The following CLEC16A variants were observed in gnomAD, a reference collection of about 807,000 sequenced individuals.
CLEC16A encodes the protein C-type lectin domain containing 16A.
A neutral mutation model predicts 109.5 loss-of-function variants in CLEC16A; 51 were observed. The ratio of observed to expected loss-of-function variants is 0.47; its 90% CI spans 0.37 to 0.59. The LOEUF (loss-of-function observed/expected upper bound fraction) is 0.59, where lower values mean the gene tolerates loss of function less well. Ranked by LOEUF, CLEC16A falls within the 20% of genes least tolerant of loss-of-function variation. CLEC16A has a pLI of 0.00. For missense variants in CLEC16A, 1,339 were observed against 1,394.0 expected (o/e 0.96, Z 0.63); for synonymous variants, 673 against 564.2 (o/e 1.19, Z -2.73).
At chr16:11,093,732 A>C (rs2050446711) in intron 19 of CLEC16A, among the ~76,000 whole-genome samples, 1 of 152,204 alleles carries the variant, frequency 6.6e-6, no homozygotes, top group South Asian at 2.1e-4. Context: ...AAGGCGAGCC[A>C]GGATATGAGG....
chr16:11,170,141 G>A (rs1175585615), intron 23 of CLEC16A, among the ~76,000 whole-genome samples: 1 of 152,182 alleles, frequency 6.6e-6, no homozygotes, highest in Non-Finnish European at 1.5e-5. Context: ...AGAGACCCGG[G>A]CCCCGATCTG....
chr16:11,020,320 G>C lies in CLEC16A; in HGVS notation c.1431G>C (p.Trp477Cys). ...CCACCTGCTCTGAGAGCACGCAATG[G>C]AGCAGGTAGCTGCCCGAGAGGTCGA... ...AAATCSESTQ[W>C]SRPFLDMVYH... is the part of the protein sequence containing the mutation. The change falls in exon 12 of 24, where the codon TGG (tryptophan) becomes TGC (cysteine). Residue 477 changes from tryptophan (W) to cysteine (C), a missense_variant. Transcript: ENST00000409790. The C allele has an allele frequency of 6.2e-7, 1 of 1,609,626 alleles. No individual in the cohort carries two copies. The highest frequency in any genetic ancestry group is 8.5e-7 in the Non-Finnish European group (1 of 1,177,948).
intron 12 of CLEC16A, among the ~76,000 whole-genome samples, chr16:11,022,635 C>G (rs1009813192): frequency 6.6e-6 from 1 of 152,058 alleles, no homozygotes; most frequent in Non-Finnish European, 1.5e-5. Context: ...TGCAGTGGCT[C>G]ATGCCTGTAA....
At position 11,020,324 on chromosome 16, in the gene CLEC16A, A is replaced by G; in HGVS notation, c.1435A>G (p.Arg479Gly). The change falls in exon 12 of 24, where the codon AGA becomes GGA. Residue 479 changes from arginine (R) to glycine (G), a missense_variant and splice_region_variant. Coordinates refer to ENST00000409790, the MANE Select transcript of CLEC16A (RefSeq NM_015226.3). The part of the protein sequence containing the change: ...ATCSESTQWS[R>G]PFLDMVYHAL... The stretch of plus-strand genomic sequence containing the variant: ...CTGCTCTGAGAGCACGCAATGGAGC[A>G]GGTAGCTGCCCGAGAGGTCGATGCT... The G allele has an allele frequency of 6.2e-7, 1 of 1,608,350 alleles. No homozygotes were observed. The highest frequency in any genetic ancestry group is 8.5e-7 in the Non-Finnish European group (1 of 1,177,294).
intron 10 of CLEC16A, among the ~76,000 whole-genome samples, chr16:10,988,623 A>C (rs777835965): frequency 2.6e-5 from 4 of 152,086 alleles, no homozygotes; most frequent in Non-Finnish European, 5.9e-5. Flanking sequence ...TCTTTGCCTC[A>C]GTGGCTGGGT....
chr16:11,030,445 T>G (rs1313460418), intron 13 of CLEC16A, among the ~76,000 whole-genome samples: 1 of 152,216 alleles, frequency 6.6e-6, no homozygotes, highest in Non-Finnish European at 1.5e-5. Flanking sequence ...GTGGCCACCT[T>G]TTTAGTTTTC....
chr16:11,099,861 G>C (rs2050811504), intron 19 of CLEC16A, among the ~76,000 whole-genome samples: 1 of 152,214 alleles, frequency 6.6e-6, no homozygotes, highest in Non-Finnish European at 1.5e-5. Flanking sequence ...CCTGTTTACA[G>C]ATGGGAAAGT....
intron 18 of CLEC16A, among the ~76,000 whole-genome samples, chr16:11,057,471 A>G (rs2048268887): frequency 6.6e-6 from 1 of 152,226 alleles, no homozygotes. Flanking sequence ...AGTGTGTCTG[A>G]CTACAGAGCC....
intron 22 of CLEC16A, chr16:11,136,015 A>G (rs1265063629): frequency 6.6e-6 from 1 of 152,266 alleles, no homozygotes; most frequent in African/African-American, 2.4e-5. Context: ...CAATCCCAGC[A>G]TCCTTTTTTT....
At chr16:11,023,331 A>G (rs2046229904) in intron 12 of CLEC16A, among the ~76,000 whole-genome samples, 1 of 152,210 alleles carries the variant, frequency 6.6e-6, no homozygotes, top group Non-Finnish European at 1.5e-5. Flanking sequence ...TTGGTTATTC[A>G]TATTATTCCC....
At chr16:11,054,270 A>G (rs1194346579) in intron 18 of CLEC16A, among the ~76,000 whole-genome samples, 2 of 152,240 alleles carry the variant, frequency 1.3e-5, no homozygotes, top group South Asian at 2.1e-4. Flanking sequence ...TTTGTCAGGC[A>G]TGTGGCAGAA....
intron 19 of CLEC16A, among the ~76,000 whole-genome samples, chr16:11,065,979 G>A (rs1355123643): frequency 1.3e-5 from 2 of 152,298 alleles, no homozygotes; most frequent in East Asian, 1.9e-4. Flanking sequence ...CTGGTCAGAC[G>A]GTCCCAGAAG....
intron 19 of CLEC16A, among the ~76,000 whole-genome samples, chr16:11,094,540 C>T (rs949719365): frequency 6.6e-6 from 1 of 152,192 alleles, no homozygotes; most frequent in Admixed American, 6.5e-5. Flanking sequence ...TTTACAGGCA[C>T]CACCTCCCCC....
At position 11,039,831 on chromosome 16, in the gene CLEC16A, C is replaced by G. The variant is rs1448930222; in HGVS notation, c.1615C>G (p.Leu539Val). The change falls in exon 14 of 24, where the codon CTA becomes GTA. Residue 539 changes from leucine (L) to valine (V), a missense_variant. Transcript: ENST00000409790. ...CGAGAAGACCACCTACAACCACCCG[C>G]TAGCTGAAAGACTCATCAGGATCAT... ...AAEKTTYNHP[L>V]AERLIRIMNN... 3 of 1,612,594 alleles carry G rather than the reference C, an allele frequency of 1.9e-6. No individual in the cohort carries two copies. The highest frequency in any genetic ancestry group is 2.5e-6 in the Non-Finnish European group (3 of 1,179,346).
intron 19 of CLEC16A, among the ~76,000 whole-genome samples, chr16:11,108,859 C>T (rs574691487): frequency 3.3e-4 from 50 of 152,176 alleles, no homozygotes; most frequent in African/African-American, 1.2e-3. Flanking sequence ...GCCTGTAATC[C>T]CAGCACTTTG....
In CLEC16A at chr16:10,972,525, A is replaced by G. The variant is rs201006063; in HGVS notation, c.599-29A>G. ...GTTGTCTGTTTTTTGCTTTTCCTTCAATGACGATTCCTGTGTTCCTTATTC... is the reference window on the plus strand; with the variant it reads ...GTTGTCTGTTTTTTGCTTTTCCTTCGATGACGATTCCTGTGTTCCTTATTC... On this transcript the variant is annotated intron_variant, in intron 5 of 23. Transcript: ENST00000409790. The G allele has an allele frequency of 4.8e-5, 78 of 1,611,374 alleles. 1 individual carries two copies. The highest frequency in any genetic ancestry group is 3.7e-4 in the South Asian group (34 of 90,758).
chr16:11,037,346 C>T (rs1026992075), intron 13 of CLEC16A, among the ~76,000 whole-genome samples: 1 of 152,176 alleles, frequency 6.6e-6, no homozygotes, highest in Non-Finnish European at 1.5e-5. Context: ...GCTCTGTGAC[C>T]TTGGGGAAAC....
chr16:11,031,833 C>T (rs1597127364), intron 13 of CLEC16A, among the ~76,000 whole-genome samples: 1 of 152,194 alleles, frequency 6.6e-6, no homozygotes, highest in East Asian at 1.9e-4. Flanking sequence ...CCTGAGCAAT[C>T]AGGAGAGGCC....
At position 11,178,996 on chromosome 16, in the gene CLEC16A, C is replaced by A; in HGVS notation, c.*306C>A. 2.9e-6 allele frequency: 1 copy of A among 339,962 alleles called. No homozygotes were observed. The highest frequency in any genetic ancestry group is 5.3e-6 in the Non-Finnish European group (1 of 187,988). 21.1% of individuals were successfully genotyped at this position (339,962 alleles called of 1,614,324 possible). A position where few individuals can be genotyped will look rare whatever the true frequency, so the allele number is the denominator to read the frequency against. On this transcript the variant is annotated 3_prime_UTR_variant, in exon 24 of 24. Transcript: ENST00000409790. This position sits in a 1 kb window ranked among gnomAD's most constrained non-coding sequence, Gnocchi z 6.5. ...GTCTCTGAGCCCCGGGTGGCAGGACCCACCGGCACCTCTTTCTTCCTCTGT... is the reference window on the plus strand; with the variant it reads ...GTCTCTGAGCCCCGGGTGGCAGGACACACCGGCACCTCTTTCTTCCTCTGT...
Sources: gnomAD v4.1 joint callset for allele counts (sites outside exome capture counted in the v4.1 genomes callset) on GRCh38, gnomAD v4.1.1 for gene constraint, Gnocchi (gnomAD v3.1) non-coding constraint, MANE v1.5 for transcripts, NCBI Gene and HGNC (gene_info 2026-07-23, HGNC 2026-07-21) for gene names.